The following RMST variants were observed in gnomAD, a reference collection of about 807,000 sequenced individuals.
RMST encodes the protein rhabdomyosarcoma 2 associated transcript, also known as long intergenic non-protein coding RNA 54.
At chr12:97,480,972 A>G (rs373276916) in intron 5 of RMST, among the ~76,000 whole-genome samples, 38 of 152,244 alleles carry the variant, frequency 2.5e-4, no homozygotes, top group African/African-American at 8.7e-4. Flanking sequence ...TCAGTATCCA[A>G]TTTATGTTAA....
At chr12:97,481,903 A>G (rs1414717838) in intron 5 of RMST, among the ~76,000 whole-genome samples, 2 of 152,210 alleles carry the variant, frequency 1.3e-5, no homozygotes, top group Non-Finnish European at 2.9e-5. Flanking sequence ...TTCCACATCC[A>G]TCTCGAAACT....
intron 5 of RMST, among the ~76,000 whole-genome samples, chr12:97,469,698 T>C (rs754326159): frequency 2.0e-5 from 3 of 152,070 alleles, no homozygotes; most frequent in Non-Finnish European, 4.4e-5. Context: ...ATTCAACACA[T>C]ATTATTGAGC....
chr12:97,483,296 G>GT (rs1247182481), intron 5 of RMST: 4 of 152,100 alleles, frequency 2.6e-5, no homozygotes, highest in African/African-American at 4.8e-5. Context: ...GTATAGATAG[G>GT]TTTTTTAAAA....
intron 11 of RMST, among the ~76,000 whole-genome samples, chr12:97,534,424 G>T (rs1465148746): frequency 6.6e-6 from 1 of 151,430 alleles, no homozygotes; most frequent in East Asian, 1.9e-4. Flanking sequence ...ATTAAAATTG[G>T]TTATAAATAC....
At chr12:97,551,754 T>A (rs1357312164) in intron 11 of RMST, 2 of 152,208 alleles carry the variant, frequency 1.3e-5, no homozygotes, top group Admixed American at 1.3e-4. Flanking sequence ...CGAGGGAGGA[T>A]CATATCTCAT....
At chr12:97,529,893 T>C (rs1055094045) in intron 10 of RMST, among the ~76,000 whole-genome samples, 1 of 152,118 alleles carries the variant, frequency 6.6e-6, no homozygotes, top group African/African-American at 2.4e-5. Context: ...AATTGTATCT[T>C]CCCCCAGCTT....
chr12:97,467,913 A>G (rs1487086734), intron 5 of RMST, among the ~76,000 whole-genome samples: 1 of 151,992 alleles, frequency 6.6e-6, no homozygotes, highest in African/African-American at 2.4e-5. Flanking sequence ...TGATATTAGG[A>G]TATGGATTTT....
At chr12:97,519,566 A>T (rs571948388) in intron 10 of RMST, among the ~76,000 whole-genome samples, 1 of 152,208 alleles carries the variant, frequency 6.6e-6, no homozygotes, top group African/African-American at 2.4e-5. Flanking sequence ...CAATCGTATA[A>T]TTTTTTCCCC....
intron 11 of RMST, among the ~76,000 whole-genome samples, chr12:97,532,061 C>T (rs1881672971): frequency 6.6e-6 from 1 of 152,020 alleles, no homozygotes; most frequent in African/African-American, 2.4e-5. Context: ...TAATTTTAGA[C>T]ACTGTTTATC....
intron 10 of RMST, among the ~76,000 whole-genome samples, chr12:97,505,200 G>A (rs1468231850): frequency 1.3e-5 from 2 of 152,166 alleles, no homozygotes; most frequent in Non-Finnish European, 2.9e-5. Flanking sequence ...GCACTTGCAA[G>A]AGCAATTAGA....
intron 10 of RMST, among the ~76,000 whole-genome samples, chr12:97,526,238 GGTGCCAAAAAT>G (rs1181319205): frequency 6.6e-6 from 1 of 151,970 alleles, no homozygotes; most frequent in Non-Finnish European, 1.5e-5. Context: ...GCTGGTCCCT[GGTGCCAAAAAT>G]GTTGGAGACA....
intron 10 of RMST, among the ~76,000 whole-genome samples, chr12:97,526,987 G>A (rs539154480): frequency 1.3e-5 from 2 of 152,266 alleles, no homozygotes; most frequent in South Asian, 2.1e-4. Flanking sequence ...CTTGCCCAAA[G>A]TCCCAGAGCT....
At chr12:97,536,809 A>G (rs1240342232) in intron 11 of RMST, among the ~76,000 whole-genome samples, 1 of 151,500 alleles carries the variant, frequency 6.6e-6, no homozygotes, top group African/African-American at 2.4e-5. Context: ...GCTTTTTAAA[A>G]TGATCCAGGT....
At chr12:97,547,197 C>G (rs1883003720) in intron 11 of RMST, among the ~76,000 whole-genome samples, 1 of 149,202 alleles carries the variant, frequency 6.7e-6, no homozygotes, top group Non-Finnish European at 1.5e-5. Flanking sequence ...TTTTTAATCA[C>G]TAAATAATAA....
At chr12:97,474,677 G>A (rs1874337372) in intron 5 of RMST, among the ~76,000 whole-genome samples, 1 of 147,222 alleles carries the variant, frequency 6.8e-6, no homozygotes, top group Non-Finnish European at 1.5e-5. Context: ...ATATATTGAG[G>A]AAATATAGTA....
intron 10 of RMST, among the ~76,000 whole-genome samples, chr12:97,522,737 T>C (rs1880644371): frequency 6.6e-6 from 1 of 152,144 alleles, no homozygotes; most frequent in Non-Finnish European, 1.5e-5. Context: ...ATGAATATAT[T>C]TTATCAAATA....
chr12:97,469,744 A>G (rs1278585360), intron 5 of RMST, among the ~76,000 whole-genome samples: 1 of 152,072 alleles, frequency 6.6e-6, no homozygotes, highest in South Asian at 2.1e-4. Flanking sequence ...AGATGTTCAG[A>G]ATAAAGCAGT....
chr12:97,541,021 T>C (rs1337959043), intron 11 of RMST, among the ~76,000 whole-genome samples: 3 of 151,226 alleles, frequency 2.0e-5, no homozygotes, highest in Admixed American at 6.6e-5. Context: ...TGTATATATA[T>C]ATATATATGT....
At chr12:97,468,810 A>G (rs772323980) in intron 5 of RMST, among the ~76,000 whole-genome samples, 18 of 152,024 alleles carry the variant, frequency 1.2e-4, no homozygotes, top group Non-Finnish European at 2.2e-4. Context: ...TATTTTAAAA[A>G]TCTCCTCCCA....
Sources: gnomAD v4.1 joint callset for allele counts (sites outside exome capture counted in the v4.1 genomes callset) on GRCh38, gnomAD v4.1.1 for gene constraint, MANE v1.5 for transcripts, NCBI Gene and HGNC (gene_info 2026-07-23, HGNC 2026-07-21) for gene names.